Variants in KSR2 observed in about 807,000 individuals in gnomAD.
KSR2 encodes the protein kinase suppressor of ras 2.
A neutral mutation model predicts 107.8 loss-of-function variants in KSR2; 25 were observed. The ratio of observed to expected loss-of-function variants is 0.23; its 90% confidence interval spans 0.17 to 0.32. The LOEUF (loss-of-function observed/expected upper bound fraction) is 0.32, where lower values mean the gene tolerates loss of function less well. Among genes scored for constraint, KSR2 ranks in the 10% least tolerant of loss-of-function variants. The pLI is 1.00. For missense variants in KSR2, 887 were observed against 1,268.9 expected, an observed-to-expected ratio of 0.70 and a Z score of 4.57; for synonymous variants, 480 against 507.0, an observed-to-expected ratio of 0.95 and a Z score of 0.71.
At chr12:117,592,373 C>T (rs1417637285) in intron 5 of KSR2, among the ~76,000 whole-genome samples, 1 of 152,106 alleles carries the variant, frequency 6.6e-6, no homozygotes, top group African/African-American at 2.4e-5. Context: ...TTCAGCCTCC[C>T]AAAGTGCTGG....
At chr12:117,669,583 G>A (rs1234384827) in intron 4 of KSR2, among the ~76,000 whole-genome samples, 1 of 145,572 alleles carries the variant, frequency 6.9e-6, no homozygotes, top group African/African-American at 2.5e-5. Flanking sequence ...AAAAAAAAAA[G>A]AGGGCTGAGT....
chr12:117,672,621 T>G (rs535083245), intron 4 of KSR2, among the ~76,000 whole-genome samples: 16 of 152,114 alleles, frequency 1.1e-4, no homozygotes, highest in African/African-American at 3.9e-4. Flanking sequence ...ACCCGAAATA[T>G]CCAACAAACT....
chr12:117,666,867 A>C (rs1422565002), intron 5 of KSR2, among the ~76,000 whole-genome samples: 1 of 152,164 alleles, frequency 6.6e-6, no homozygotes, highest in African/African-American at 2.4e-5. Flanking sequence ...GGTAGAGAAG[A>C]TTAAACCAGC....
chr12:117,627,719 CTG>C (rs1882597910), intron 5 of KSR2, among the ~76,000 whole-genome samples: 1 of 152,250 alleles, frequency 6.6e-6, no homozygotes, highest in East Asian at 1.9e-4. Flanking sequence ...GTGGTGTTCT[CTG>C]TGTTTCCTGA....
intron 4 of KSR2, among the ~76,000 whole-genome samples, chr12:117,733,402 C>T (rs1056951259): frequency 6.6e-6 from 1 of 152,218 alleles, no homozygotes; most frequent in Admixed American, 6.5e-5. Context: ...ATTTCCCACT[C>T]ACTCTTTAGG....
chr12:117,947,257 G>GAA (rs1555260494), intron 1 of KSR2, among the ~76,000 whole-genome samples: 1 of 118,882 alleles, frequency 8.4e-6, no homozygotes, highest in East Asian at 2.5e-4. Context: ...AAGAAAGAAA[G>GAA]AAGATAAACC....
rs776387965 is a variant in KSR2, at chr12:117,580,376, C to T, written c.1242-1174G>A. Among the ~76,000 whole-genome samples, 58 of 152,326 alleles carry T rather than the reference C, an allele frequency of 3.8e-4. No individual in the cohort carries two copies. In the Middle Eastern group the frequency reaches 0.014, roughly 36 times the overall value. ...GCAGACTCTGTTTTGCAGAATTTGG[C>T]AGCTCTGGGGAATGGCGGCGAAGGA... On this transcript the variant is annotated intron_variant, in intron 6 of 19. Transcript: ENST00000339824.
intron 4 of KSR2, among the ~76,000 whole-genome samples, chr12:117,711,217 C>T (rs771272455): frequency 3.3e-5 from 5 of 152,208 alleles, no homozygotes; most frequent in Admixed American, 6.5e-5. Context: ...AAGTGCCTCA[C>T]GTGCCATTAA....
chr12:117,628,586 G>C (rs949436595), intron 5 of KSR2, among the ~76,000 whole-genome samples: 3 of 152,146 alleles, frequency 2.0e-5, no homozygotes, highest in Non-Finnish European at 4.4e-5. Flanking sequence ...TCGTCCCAGA[G>C]GGGGAGCCAC....
At chr12:117,596,527 C>T (rs931918811) in intron 5 of KSR2, among the ~76,000 whole-genome samples, 3 of 152,206 alleles carry the variant, frequency 2.0e-5, no homozygotes, top group African/African-American at 7.2e-5. Flanking sequence ...TAGCGAAACA[C>T]AGTGTCAGGG....
intron 4 of KSR2, among the ~76,000 whole-genome samples, chr12:117,737,782 CAAAA>C (rs10587288): frequency 0.16 from 13,728 of 84,038 alleles, 1,905 homozygotes; most frequent in African/African-American, 0.42. Flanking sequence ...AATCCTGTCT[CAAAA>C]AAAAAAAAAA....
At chr12:117,603,714 AC>A (rs1231068663) in intron 5 of KSR2, among the ~76,000 whole-genome samples, 1 of 152,118 alleles carries the variant, frequency 6.6e-6, no homozygotes, top group Non-Finnish European at 1.5e-5. Flanking sequence ...CCTCTCCAAA[AC>A]CAACTGAACA....
chr12:117,583,227 G>A (rs745978911), intron 5 of KSR2, among the ~76,000 whole-genome samples: 32 of 151,638 alleles, frequency 2.1e-4, no homozygotes, highest in Non-Finnish European at 4.0e-4. Context: ...ATGGATAGAC[G>A]GGTGGGTAGA....
intron 1 of KSR2, among the ~76,000 whole-genome samples, chr12:117,924,011 T>G (rs1353241634): frequency 6.6e-6 from 1 of 151,274 alleles, no homozygotes; most frequent in African/African-American, 2.4e-5. Flanking sequence ...CCCGAGTAGC[T>G]GGGATTACAG....
chr12:117,839,959 T>C (rs1892394901), intron 3 of KSR2, among the ~76,000 whole-genome samples: 1 of 152,172 alleles, frequency 6.6e-6, no homozygotes, highest in South Asian at 2.1e-4. Flanking sequence ...CAACTACTTA[T>C]TTGTTGCCCA....
intron 4 of KSR2, among the ~76,000 whole-genome samples, chr12:117,675,198 T>A (rs488999): frequency 0.74 from 113,128 of 152,080 alleles, 42,281 homozygotes; most frequent in Non-Finnish European, 0.76. Context: ...CTGTCTCCCC[T>A]AGGGCCCATG....
chr12:117,688,801 T>C (rs960921996), intron 4 of KSR2, among the ~76,000 whole-genome samples: 1 of 152,216 alleles, frequency 6.6e-6, no homozygotes, highest in African/African-American at 2.4e-5. Flanking sequence ...GCTGTAAGTT[T>C]GGAGGACGAC....
chr12:117,940,797 A>C (rs139916746), intron 1 of KSR2, among the ~76,000 whole-genome samples: 106 of 152,230 alleles, frequency 7.0e-4, no homozygotes, highest in African/African-American at 2.5e-3. Flanking sequence ...TAAGATTTTG[A>C]TTTTTGAGCC....
chr12:117,956,063 A>C (rs1053169174), intron 1 of KSR2, among the ~76,000 whole-genome samples: 2 of 151,320 alleles, frequency 1.3e-5, no homozygotes, highest in African/African-American at 2.4e-5. Flanking sequence ...ATCCTGGCTA[A>C]CACGGTGAAA....
Sources: gnomAD v4.1 joint callset for allele counts (sites outside exome capture counted in the v4.1 genomes callset) on GRCh38, gnomAD v4.1.1 for gene constraint, MANE v1.5 for transcripts, NCBI Gene and HGNC (gene_info 2026-07-23, HGNC 2026-07-21) for gene names.